The following SETBP1 variants were observed in gnomAD, a reference collection of about 807,000 sequenced individuals.
SETBP1 encodes SET-binding protein.
SETBP1 carries 9 observed loss-of-function variants against 101.0 expected under a neutral mutation model. That is an observed-to-expected ratio of 0.09 (90% CI 0.05 to 0.16). The LOEUF (loss-of-function observed/expected upper bound fraction) is 0.16, where lower values mean the gene tolerates loss of function less well. Ranked by LOEUF, SETBP1 falls within the 10% of genes least tolerant of loss-of-function variation. SETBP1 has a pLI of 1.00. For synonymous variants in SETBP1, 818 were observed against 788.5 expected (o/e 1.04, Z -0.63); for missense variants, 1,858 against 2,033.8 (o/e 0.91, Z 1.66).
At chr18:45,013,478 C>T (rs1327217402) in intron 4 of SETBP1, among the ~76,000 whole-genome samples, 1 of 149,374 alleles carries the variant, frequency 6.7e-6, no homozygotes, top group African/African-American at 2.6e-5. Flanking sequence ...CTTGCTCTGT[C>T]ACCCAGGCTG....
At chr18:44,702,938 G>A (rs2069143031) in intron 2 of SETBP1, among the ~76,000 whole-genome samples, 1 of 152,214 alleles carries the variant, frequency 6.6e-6, no homozygotes, top group African/African-American at 2.4e-5. Flanking sequence ...AGTCAAACAT[G>A]GATGTGCAAA....
intron 1 of SETBP1, among the ~76,000 whole-genome samples, chr18:44,682,008 C>CT (rs2068767665): frequency 6.6e-6 from 1 of 152,160 alleles, no homozygotes; most frequent in South Asian, 2.1e-4. Context: ...TAGTTGGAGT[C>CT]CACTGGCGTT....
intron 2 of SETBP1, among the ~76,000 whole-genome samples, chr18:44,711,550 GGGT>G (rs1280902204): frequency 7.0e-6 from 1 of 143,638 alleles, no homozygotes; most frequent in Non-Finnish European, 1.5e-5. Context: ...TTTTAAAACA[GGGT>G]CTTGCTCTGT....
At chr18:44,776,347 G>T (rs1660356989) in intron 2 of SETBP1, among the ~76,000 whole-genome samples, 1 of 152,132 alleles carries the variant, frequency 6.6e-6, no homozygotes, top group Non-Finnish European at 1.5e-5. Flanking sequence ...TATGGATGCC[G>T]ATTTAAACCC....
At chr18:44,812,906 C>T (rs1470716131) in intron 2 of SETBP1, among the ~76,000 whole-genome samples, 3 of 152,154 alleles carry the variant, frequency 2.0e-5, no homozygotes, top group African/African-American at 7.2e-5. Context: ...ATGTGAAAAC[C>T]TCACAGGCCA....
Position 44,794,149 on chromosome 18 carries a change from C to A in SETBP1, c.487-75081C>A, listed in dbSNP as rs543750945. On this transcript the variant is annotated intron_variant, in intron 2 of 5. Coordinates refer to ENST00000649279, the MANE Select transcript of SETBP1 (RefSeq NM_015559.3). ...CTAAATAAGAGGGGGAATGGGGACA[C>A]CAGCAGCACCTTTCCCTTGGGACAC... 2.0e-5 allele frequency among the ~76,000 whole-genome samples: 3 copies of A among 152,234 alleles called. No individual in the cohort carries two copies. In the East Asian group the frequency reaches 5.8e-4, roughly 29 times the overall value.
At chr18:45,062,180 G>A (rs956510081) in intron 5 of SETBP1, among the ~76,000 whole-genome samples, 1 of 152,252 alleles carries the variant, frequency 6.6e-6, no homozygotes, top group Non-Finnish European at 1.5e-5. Context: ...CAGTTCTGAA[G>A]GCCATTTAGT....
At chr18:44,882,385 C>G (rs536474768) in intron 3 of SETBP1, among the ~76,000 whole-genome samples, 2 of 151,964 alleles carry the variant, frequency 1.3e-5, no homozygotes, top group Non-Finnish European at 2.9e-5. Context: ...GGGGTGCGGA[C>G]GAAGCGCTAA....
intron 3 of SETBP1, among the ~76,000 whole-genome samples, chr18:44,915,676 T>C (rs2070409657): frequency 6.6e-6 from 1 of 152,200 alleles, no homozygotes; most frequent in Non-Finnish European, 1.5e-5. Context: ...GGGCTTTACT[T>C]GAACAGAATG....
chr18:44,925,773 T>C (rs2070692301), intron 3 of SETBP1, among the ~76,000 whole-genome samples: 1 of 150,504 alleles, frequency 6.6e-6, no homozygotes, highest in East Asian at 1.9e-4. Flanking sequence ...ATTTATATAG[T>C]TTTTTTTGGT....
chr18:44,783,062 C>A (rs749208568), intron 2 of SETBP1, among the ~76,000 whole-genome samples: 2 of 152,108 alleles, frequency 1.3e-5, no homozygotes, highest in Non-Finnish European at 2.9e-5. Flanking sequence ...GCACATAACC[C>A]CAAAAGGTTT....
chr18:44,791,930 A>G (rs2144733315), intron 2 of SETBP1, among the ~76,000 whole-genome samples: 1 of 152,008 alleles, frequency 6.6e-6, no homozygotes, highest in Middle Eastern at 3.4e-3. Flanking sequence ...CCTCCTACTC[A>G]ACTGTGGGGA....
chr18:44,979,257 T>G (rs1469572701), intron 4 of SETBP1, among the ~76,000 whole-genome samples: 3 of 152,178 alleles, frequency 2.0e-5, no homozygotes, highest in African/African-American at 7.2e-5. Flanking sequence ...TGTTTAAAAG[T>G]TTTGTGCTTT....
intron 3 of SETBP1, among the ~76,000 whole-genome samples, chr18:44,872,737 C>T (rs948396134): frequency 7.9e-5 from 12 of 152,252 alleles, no homozygotes; most frequent in Non-Finnish European, 1.5e-4. Flanking sequence ...GTGATGCCCA[C>T]GTGCTTGTGC....
At chr18:44,963,247 T>C (rs2071649130) in intron 4 of SETBP1, among the ~76,000 whole-genome samples, 1 of 152,092 alleles carries the variant, frequency 6.6e-6, no homozygotes, top group Non-Finnish European at 1.5e-5. Flanking sequence ...TGCCAGTGGG[T>C]TAAATAGAGG....
At chr18:45,003,304 T>A in intron 4 of SETBP1, among the ~76,000 whole-genome samples, 1 of 152,202 alleles carries the variant, frequency 6.6e-6, no homozygotes, top group East Asian at 1.9e-4. Flanking sequence ...TGGCTCACAA[T>A]CTGGTTCTAT....
At chr18:44,714,056 G>A (rs2069405661) in intron 2 of SETBP1, among the ~76,000 whole-genome samples, 1 of 152,186 alleles carries the variant, frequency 6.6e-6, no homozygotes, top group Non-Finnish European at 1.5e-5. Flanking sequence ...CTAAATGAAA[G>A]GGCTGTTAAG....
intron 2 of SETBP1, among the ~76,000 whole-genome samples, chr18:44,811,106 T>C (rs1230408799): frequency 6.6e-6 from 1 of 152,206 alleles, no homozygotes. Context: ...ACAATTCTAT[T>C]GCTTATTCTC....
chr18:44,838,121 A>G (rs2072535518), intron 2 of SETBP1, among the ~76,000 whole-genome samples: 1 of 152,190 alleles, frequency 6.6e-6, no homozygotes, highest in Admixed American at 6.5e-5. Flanking sequence ...GGAGCAGCCC[A>G]TGCCTGGCTC....
Sources: gnomAD v4.1 joint callset for allele counts (sites outside exome capture counted in the v4.1 genomes callset) on GRCh38, gnomAD v4.1.1 for gene constraint, MANE v1.5 for transcripts, NCBI Gene and HGNC (gene_info 2026-07-23, HGNC 2026-07-21) for gene names.